Variants in MEIS1 observed in about 807,000 individuals in gnomAD.
MEIS1 encodes Meis homeobox 1.
In MEIS1, 5 loss-of-function variants were observed where a neutral mutation model predicts 50.8. That is an observed-to-expected ratio of 0.10 (90% CI 0.05 to 0.21). The LOEUF (loss-of-function observed/expected upper bound fraction) is 0.21. Among genes scored for constraint, MEIS1 ranks in the 10% least tolerant of loss-of-function variants. The pLI is 1.00. For synonymous variants in MEIS1, 176 were observed against 179.3 expected (o/e 0.98, Z 0.15); for missense variants, 318 against 517.3 (o/e 0.61, Z 3.74).
intron 8 of MEIS1, among the ~76,000 whole-genome samples, chr2:66,520,531 C>T (rs946789149): frequency 1.3e-5 from 2 of 151,296 alleles, no homozygotes; most frequent in African/African-American, 4.9e-5. Flanking sequence ...AAGAACTTCA[C>T]AAAATGAATT....
At chr2:66,484,879 C>T (rs1673102189) in intron 7 of MEIS1, among the ~76,000 whole-genome samples, 1 of 152,064 alleles carries the variant, frequency 6.6e-6, no homozygotes, top group Non-Finnish European at 1.5e-5. Flanking sequence ...ATTTCTAATA[C>T]TTGTGGTGAT....
chr2:66,472,475 C>T (rs1558530862), intron 7 of MEIS1, among the ~76,000 whole-genome samples: 4 of 152,122 alleles, frequency 2.6e-5, no homozygotes, highest in Admixed American at 2.6e-4. Flanking sequence ...TCTGTGTGAG[C>T]TATAAAAATG....
intron 7 of MEIS1, among the ~76,000 whole-genome samples, chr2:66,469,946 C>T (rs1347756156): frequency 3.3e-5 from 5 of 150,488 alleles, no homozygotes; most frequent in Non-Finnish European, 7.4e-5. Flanking sequence ...AAAAAAAACA[C>T]GAAAAAATCT....
At chr2:66,545,084 T>G (rs1160879322) in intron 8 of MEIS1, among the ~76,000 whole-genome samples, 1 of 152,200 alleles carries the variant, frequency 6.6e-6, no homozygotes, top group East Asian at 1.9e-4. Context: ...ATTTTCAGTT[T>G]TCAAAGTAAC....
chr2:66,435,880 A>G lies in MEIS1; in HGVS notation c.12+12A>G. ...CGATGGCGCAAAGGGTACGTATTAA[A>G]AAACAATTGTGGAACTCAAATGTGA... is the stretch of plus-strand genomic sequence containing the variant. On this transcript the variant is annotated intron_variant, in intron 1 of 12. Transcript: ENST00000272369. 1 of 1,558,686 alleles carries G rather than the reference A, an allele frequency of 6.4e-7. No homozygotes were observed. Among genetic ancestry groups the G allele is most frequent in the Non-Finnish European group, 8.6e-7 (1 of 1,159,172 alleles).
intron 8 of MEIS1, among the ~76,000 whole-genome samples, chr2:66,525,209 TC>T (rs1674219872): frequency 6.7e-6 from 1 of 148,378 alleles, no homozygotes; most frequent in Non-Finnish European, 1.5e-5. Context: ...TGAGACCTTG[TC>T]TCAAAAACAA....
intron 8 of MEIS1, among the ~76,000 whole-genome samples, chr2:66,529,969 G>C (rs1674348955): frequency 6.6e-6 from 1 of 152,164 alleles, no homozygotes; most frequent in African/African-American, 2.4e-5. Context: ...CAAGAATCAA[G>C]GGCAGGCAGA....
intron 6 of MEIS1, 62 bp from the exon 7 acceptor site, chr2:66,464,047 G>GA (rs1672580885): frequency 5.0e-6 from 6 of 1,210,854 alleles, no homozygotes; most frequent in Non-Finnish European, 7.2e-6. Flanking sequence ...TATGCCATGG[G>GA]ATCCTACCAA....
At chr2:66,438,954 A>G (rs1433309810) in intron 2 of MEIS1, 3 of 152,064 alleles carry the variant, frequency 2.0e-5, no homozygotes, top group Non-Finnish European at 2.9e-5. Flanking sequence ...GGGACAGAAC[A>G]TTTGGGGAAG....
Position 66,442,606 on chromosome 2 carries a change from G to A in MEIS1, c.484-296G>A, listed in dbSNP as rs568081927. Among the ~76,000 whole-genome samples, 30 of 152,236 alleles carry A rather than the reference G, an allele frequency of 2.0e-4. No individual in the cohort carries two copies. The South Asian group carries it at 2.3e-3, about 12-fold the overall frequency. On this transcript the variant is annotated intron_variant, in intron 5 of 12. Coordinates refer to ENST00000272369, the MANE Select transcript of MEIS1 (RefSeq NM_002398.3). ...ATAGTTTACCTTAAATGTCACCTACGCAGGTCACCTCTCTAATGACCACAG... is the reference window on the plus strand; with the variant it reads ...ATAGTTTACCTTAAATGTCACCTACACAGGTCACCTCTCTAATGACCACAG...
chr2:66,495,081 T>G (rs1156777856), intron 7 of MEIS1, among the ~76,000 whole-genome samples: 2 of 25,758 alleles, frequency 7.8e-5, no homozygotes, highest in East Asian at 6.2e-4. Context: ...TCTTCTGACC[T>G]TTTTTTTTTT....
intron 7 of MEIS1, among the ~76,000 whole-genome samples, chr2:66,503,899 C>T (rs1673623856): frequency 6.6e-6 from 1 of 151,798 alleles, no homozygotes; most frequent in African/African-American, 2.4e-5. Context: ...CACCTGCCAC[C>T]ATGCCTGGCT....
At position 66,571,502 on chromosome 2, in the gene MEIS1, A is replaced by G. The variant is rs1675487263; in HGVS notation, c.*294A>G. On this transcript the variant is annotated 3_prime_UTR_variant, in exon 13 of 13. Coordinates refer to ENST00000272369, the MANE Select transcript of MEIS1 (RefSeq NM_002398.3). Reference sequence around the variant, plus strand: ...ATACAGGAGACCCAACAATGAGTGGACAAGTCATGGACATTCATGCTCAGT... The same window carrying G: ...ATACAGGAGACCCAACAATGAGTGGGCAAGTCATGGACATTCATGCTCAGT... The G allele has an allele frequency of 1.9e-6, 3 of 1,578,334 alleles. No individual in the cohort carries two copies. Among genetic ancestry groups the G allele is most frequent in the African/African-American group, 1.3e-5 (1 of 74,136 alleles).
chr2:66,499,378 CT>C (rs138100874), intron 7 of MEIS1, among the ~76,000 whole-genome samples: 2,745 of 151,988 alleles, frequency 0.018, 74 homozygotes, highest in African/African-American at 0.062. Flanking sequence ...TTTTTTCCCC[CT>C]GACCCTTGGC....
intron 7 of MEIS1, among the ~76,000 whole-genome samples, chr2:66,468,178 G>A (rs1408101841): frequency 3.3e-5 from 5 of 152,166 alleles, no homozygotes; most frequent in Non-Finnish European, 7.3e-5. Flanking sequence ...TGGCAGAGAC[G>A]TGTGGCTTTC....
Position 66,571,863 on chromosome 2 carries a change from A to G in MEIS1, c.*655A>G, listed in dbSNP as rs1291363484. On this transcript the variant is annotated 3_prime_UTR_variant, in exon 13 of 13. Transcript: ENST00000272369. The stretch of plus-strand genomic sequence containing the variant: ...TTCCATAGCTCTTCACTTCCTCCAG[A>G]AGCCTCCTTACATTAAAAAGCCTTA... The G allele has an allele frequency of 2.7e-5, 7 of 260,396 alleles. No individual in the cohort carries two copies. The highest frequency in any genetic ancestry group is 1.5e-4 in the South Asian group (3 of 20,116). 16.1% of individuals were successfully genotyped at this position (260,396 alleles called of 1,614,324 possible).
At chr2:66,513,980 C>G (rs58198917) in intron 8 of MEIS1, among the ~76,000 whole-genome samples, 15,462 of 152,194 alleles carry the variant, frequency 0.1, 962 homozygotes, top group African/African-American at 0.17. Flanking sequence ...TACAATGATG[C>G]TGATGCAATG....
intron 7 of MEIS1, among the ~76,000 whole-genome samples, chr2:66,507,587 G>A (rs1673713252): frequency 6.6e-6 from 1 of 152,162 alleles, no homozygotes; most frequent in Admixed American, 6.5e-5. Context: ...GTAAATCTTA[G>A]GAGCTGTTTT....
chr2:66,476,231 G>A (rs528496124), intron 7 of MEIS1, among the ~76,000 whole-genome samples: 100 of 152,196 alleles, frequency 6.6e-4, no homozygotes, highest in Non-Finnish European at 1.3e-3. Context: ...AGTTCTGAGG[G>A]AATATGACTT....
Sources: allele counts gnomAD v4.1 joint callset (sites outside exome capture counted in the v4.1 genomes callset), GRCh38; gene constraint gnomAD v4.1.1; transcripts MANE v1.5; gene names NCBI Gene and HGNC (gene_info 2026-07-23, HGNC 2026-07-21).